Variants in ADAM7 observed in about 807,000 individuals in gnomAD.
ADAM7 encodes disintegrin and metalloproteinase domain-containing protein 7.
In ADAM7, 97 loss-of-function variants were observed where a neutral mutation model predicts 102.9. That is an observed-to-expected ratio of 0.94 (90% confidence interval 0.80 to 1.12). The LOEUF (loss-of-function observed/expected upper bound fraction) is 1.12. Among genes scored for constraint, ADAM7 ranks in the 50% most tolerant of loss-of-function variants. ADAM7 has a pLI of 0.00. For synonymous variants in ADAM7, 334 were observed against 304.4 expected (o/e 1.10, Z -1.01); for missense variants, 991 against 908.7 (o/e 1.09, Z -1.16).
intron 7 of ADAM7, 57 bp from the exon 8 acceptor site, chr8:24,476,376 G>C (rs1287001539): frequency 7.7e-6 from 10 of 1,306,316 alleles, no homozygotes; most frequent in Non-Finnish European, 9.5e-6. Flanking sequence ...GTATTTTGTT[G>C]AGCTTTTATG....
intron 20 of ADAM7, among the ~76,000 whole-genome samples, chr8:24,506,919 A>G (rs1017304101): frequency 6.6e-6 from 1 of 152,080 alleles, no homozygotes; most frequent in African/African-American, 2.4e-5. Context: ...CAGATTTTCA[A>G]CTTTGTATTT....
Position 24,486,442 on chromosome 8 carries a change from A to G in ADAM7, c.961-745A>G, listed in dbSNP as rs76544294. On this transcript the variant is annotated intron_variant, in intron 10 of 21. Coordinates refer to ENST00000175238, the MANE Select transcript of ADAM7 (RefSeq NM_003817.4). The stretch of plus-strand genomic sequence containing the variant: ...GTGAGACTATAAGCTGAAAACAAGA[A>G]CCTCATATTTTTATTTGTATAGAAT... Among the ~76,000 whole-genome samples the G allele has an allele frequency of 8.8e-3, 1,333 of 152,322 alleles. 19 individuals carry two copies. Among genetic ancestry groups the G allele is most frequent in the African/African-American group, 0.031 (1,279 of 41,566 alleles).
chr8:24,491,578 T>C (rs988837626), intron 13 of ADAM7, among the ~76,000 whole-genome samples: 9 of 151,980 alleles, frequency 5.9e-5, no homozygotes, highest in African/African-American at 1.7e-4. Flanking sequence ...GGGTAGGGGG[T>C]AGGCAGGGTA....
At chr8:24,480,562 C>G (rs1025548785) in intron 8 of ADAM7, among the ~76,000 whole-genome samples, 15 of 152,076 alleles carry the variant, frequency 9.9e-5, no homozygotes, top group Non-Finnish European at 2.1e-4. Context: ...TAAAGCATGG[C>G]TTTTATTTTA....
intron 16 of ADAM7, among the ~76,000 whole-genome samples, chr8:24,496,132 G>C (rs1820544584): frequency 6.6e-6 from 1 of 152,186 alleles, no homozygotes; most frequent in African/African-American, 2.4e-5. Flanking sequence ...GGACTAAAAG[G>C]CTCCAAGGTA....
Position 24,468,839 on chromosome 8 carries a change from A to G in ADAM7, c.633+19A>G. ...TACTGTGGTAAGTTTTCAATAGAAC[A>G]TTTCTCTCTTTATTCTTCCTTTTGG... On this transcript the variant is annotated intron_variant, in intron 7 of 21. Coordinates refer to ENST00000175238, the MANE Select transcript of ADAM7 (RefSeq NM_003817.4). 1 of 1,600,354 alleles carries G rather than the reference A, an allele frequency of 6.2e-7. No individual in the cohort carries two copies. The highest frequency in any genetic ancestry group is 1.1e-5 in the South Asian group (1 of 90,592).
intron 8 of ADAM7, 46 bp from the exon 9 acceptor site, chr8:24,482,096 T>C: frequency 7.0e-7 from 1 of 1,419,772 alleles, no homozygotes; most frequent in African/African-American, 1.4e-5. Flanking sequence ...TTGAAGACTG[T>C]TTCCAGCAAC....
chr8:24,466,741 A>G, intron 5 of ADAM7, 58 bp from the exon 6 acceptor site: 1 of 1,503,300 alleles, frequency 6.7e-7, no homozygotes, highest in Non-Finnish European at 9.1e-7. Context: ...CAAAGTCAAT[A>G]CAATGAAATA....
intron 18 of ADAM7, among the ~76,000 whole-genome samples, chr8:24,500,475 T>C (rs1048305694): frequency 1.8e-4 from 27 of 152,146 alleles, no homozygotes; most frequent in Admixed American, 7.2e-4. Flanking sequence ...CTAAATTAAA[T>C]TTTCTTAGGT....
chr8:24,479,737 C>T (rs560926148), intron 8 of ADAM7, among the ~76,000 whole-genome samples: 111 of 152,286 alleles, frequency 7.3e-4, no homozygotes, highest in Middle Eastern at 6.8e-3. Flanking sequence ...TTGGTCAGTT[C>T]TTTCTACCCA....
At chr8:24,485,586 A>G (rs1371885995) in intron 10 of ADAM7, among the ~76,000 whole-genome samples, 5 of 152,200 alleles carry the variant, frequency 3.3e-5, no homozygotes, top group Admixed American at 3.3e-4. Flanking sequence ...GTTTAAACGG[A>G]TAGTATACCA....
intron 16 of ADAM7, among the ~76,000 whole-genome samples, chr8:24,496,250 C>T (rs997749154): frequency 6.6e-6 from 1 of 152,220 alleles, no homozygotes; most frequent in Non-Finnish European, 1.5e-5. Context: ...TTGGGAACCT[C>T]AGCGTAGATT....
intron 7 of ADAM7, 56 bp from the exon 8 acceptor site, chr8:24,476,377 A>C: frequency 7.6e-7 from 1 of 1,319,036 alleles, no homozygotes; most frequent in South Asian, 1.4e-5. Context: ...TATTTTGTTG[A>C]GCTTTTATGC....
chr8:24,441,783 C>T (rs1279429698), intron 1 of ADAM7, among the ~76,000 whole-genome samples: 1 of 152,176 alleles, frequency 6.6e-6, no homozygotes, highest in Non-Finnish European at 1.5e-5. Flanking sequence ...ATGCAAACAT[C>T]CCTGGAAGAC....
Position 24,508,623 on chromosome 8 carries a change from C to G in ADAM7, c.*77C>G. ...GGATGCAACGTCTTTACAACCTTAC[C>G]TAGATATCTGCTACTCACATTTTTG... On this transcript the variant is annotated 3_prime_UTR_variant, in exon 22 of 22. Coordinates refer to ENST00000175238, the MANE Select transcript of ADAM7 (RefSeq NM_003817.4). 6.2e-7 allele frequency: 1 copy of G among 1,607,228 alleles called. No homozygotes were observed. Among genetic ancestry groups the G allele is most frequent in the Non-Finnish European group, 8.5e-7 (1 of 1,176,102 alleles).
At chr8:24,458,504 C>T (rs1461896339) in intron 3 of ADAM7, among the ~76,000 whole-genome samples, 19 of 151,904 alleles carry the variant, frequency 1.3e-4, no homozygotes, top group Admixed American at 1.2e-3. Context: ...TTTATTTAGG[C>T]TTTGGATTTG....
intron 3 of ADAM7, among the ~76,000 whole-genome samples, chr8:24,459,944 C>CA (rs1381183268): frequency 3.9e-5 from 6 of 152,044 alleles, no homozygotes; most frequent in African/African-American, 1.4e-4. Context: ...CTCAAGTCTT[C>CA]ATTTAGATAC....
chr8:24,465,568 T>G, intron 4 of ADAM7, 131 bp from the exon 5 acceptor site: 1 of 486,240 alleles, frequency 2.1e-6, no homozygotes, highest in Non-Finnish European at 3.4e-6. Flanking sequence ...AATGAATGAA[T>G]GCAGAACAAA....
At chr8:24,444,634 C>T (rs760490494) in intron 2 of ADAM7, among the ~76,000 whole-genome samples, 2 of 151,506 alleles carry the variant, frequency 1.3e-5, no homozygotes, top group African/African-American at 4.8e-5. Flanking sequence ...AATTGTAAGA[C>T]GCCCTACAAA....
Sources: allele counts gnomAD v4.1 joint callset (sites outside exome capture counted in the v4.1 genomes callset), GRCh38; gene constraint gnomAD v4.1.1; transcripts MANE v1.5; gene names NCBI Gene and HGNC (gene_info 2026-07-23, HGNC 2026-07-21).